The following SENP1 variants were observed in gnomAD, a reference collection of about 807,000 sequenced individuals.
The protein encoded by SENP1 is sentrin-specific protease 1.
SENP1 carries 21 observed loss-of-function variants against 93.0 expected under a neutral mutation model. The ratio of observed to expected loss-of-function variants is 0.23; its 90% CI spans 0.16 to 0.33. The LOEUF (loss-of-function observed/expected upper bound fraction) is 0.33, where lower values mean the gene tolerates loss of function less well. Among genes scored for constraint, SENP1 ranks in the 10% least tolerant of loss-of-function variants. The probability of loss-of-function intolerance (pLI) is 1.00; values close to 1 mark genes in which losing one functional copy is unlikely to be tolerated. For missense variants in SENP1, 591 were observed against 758.7 expected (o/e 0.78, Z 2.60); for synonymous variants, 256 against 259.6 (o/e 0.99, Z 0.13).
chr12:48,071,707 TCA>T lies in SENP1; in HGVS notation c.953_954del (p.Val318AspfsTer29). On this transcript the variant is annotated frameshift_variant, in exon 9 of 18. Coordinates refer to ENST00000549518, the MANE Select transcript of SENP1 (RefSeq NM_001267594.2). LOFTEE classifies it high-confidence loss of function. ...SNTQSEGSDSVILLKVKDSQT... is the reference protein window; with the variant it reads ...SNTQSEGSDSXILLKVKDSQT... Reference sequence around the variant, plus strand: ...TGGGAATCTTTCACTTTCAGTAAAATCACAGAGTCTGATCCTAAAGAAACACA... The same window carrying T: ...TGGGAATCTTTCACTTTCAGTAAAATCAGAGTCTGATCCTAAAGAAACACA... 1 of 1,608,254 alleles carries T rather than the reference TCA, an allele frequency of 6.2e-7. No homozygotes were observed. The highest frequency in any genetic ancestry group is 8.5e-7 in the Non-Finnish European group (1 of 1,175,330).
Position 48,065,324 on chromosome 12 carries a change from G to A in SENP1, c.1120-104C>T, listed in dbSNP as rs552005846. The stretch of plus-strand genomic sequence containing the variant: ...ATAAACCTGTCATAAGTCAAAGAGC[G>A]TGCTTAAATGCCCATTGCTTTCGCT... On this transcript the variant is annotated intron_variant, in intron 11 of 17. Transcript: ENST00000549518. The A allele has an allele frequency of 3.8e-3, 3,528 of 936,782 alleles. 16 individuals carry two copies. Among genetic ancestry groups the A allele is most frequent in the Non-Finnish European group, 4.7e-3 (3,003 of 639,968 alleles). The allele number at this position is 936,782 out of a possible 1,614,324, so 58.0% of individuals were successfully genotyped here. A position where few individuals can be genotyped will look rare whatever the true frequency, so the allele number is the denominator to read the frequency against.
intron 9 of SENP1, 45 bp downstream of exon 9, chr12:48,071,622 A>G: frequency 7.4e-7 from 1 of 1,345,750 alleles, no homozygotes; most frequent in South Asian, 1.2e-5. Context: ...TCTCAAAAAG[A>G]TATATTAATT....
chr12:48,076,491 ATTTT>A (rs879363366), intron 6 of SENP1, among the ~76,000 whole-genome samples: 1 of 144,356 alleles, frequency 6.9e-6, no homozygotes, highest in African/African-American at 2.5e-5. Context: ...CACAGAGCTA[ATTTT>A]TTTTTTTTTA....
At chr12:48,089,502 T>C (rs1354772803) in intron 4 of SENP1, among the ~76,000 whole-genome samples, 1 of 152,218 alleles carries the variant, frequency 6.6e-6, no homozygotes. Flanking sequence ...GAATGACCCA[T>C]CATATATATC....
At chr12:48,100,648 GAA>G (rs79598818) in intron 2 of SENP1, among the ~76,000 whole-genome samples, 1 of 128,254 alleles carries the variant, frequency 7.8e-6, no homozygotes, top group Admixed American at 7.7e-5. Flanking sequence ...AGAAAAAAGA[GAA>G]AAAAAAAAAA....
chr12:48,065,518 A>G, intron 11 of SENP1, 78 bp downstream of exon 11: 1 of 954,154 alleles, frequency 1.0e-6, no homozygotes, highest in Non-Finnish European at 1.6e-6. Flanking sequence ...CAATTACCCA[A>G]ATCTGGGTAA....
chr12:48,081,805 ATCC>A (rs1944510345), intron 6 of SENP1, among the ~76,000 whole-genome samples: 1 of 151,844 alleles, frequency 6.6e-6, no homozygotes, highest in South Asian at 2.1e-4. Flanking sequence ...GCCTCAAGCA[ATCC>A]TCCTGCTTTT....
chr12:48,076,112 G>A (rs918641789), intron 6 of SENP1, among the ~76,000 whole-genome samples: 2 of 152,142 alleles, frequency 1.3e-5, no homozygotes, highest in Non-Finnish European at 2.9e-5. Flanking sequence ...CTGACTCAAT[G>A]GGCTATGTTC....
chr12:48,089,943 T>C (rs1361882279), intron 4 of SENP1, among the ~76,000 whole-genome samples: 1 of 152,268 alleles, frequency 6.6e-6, no homozygotes, highest in Non-Finnish European at 1.5e-5. Flanking sequence ...TATCTTTTCA[T>C]GCTCTATCCA....
In SENP1 at chr12:48,071,601, G is replaced by GC. The variant is rs909970904; in HGVS notation, c.995+65dup. Reference sequence around the variant, plus strand: ...ACTACACTCCAGCCTGGGCAACAGAGCGAGACTCCGTCTCAAAAAGATATA... The same window carrying GC: ...ACTACACTCCAGCCTGGGCAACAGAGCCGAGACTCCGTCTCAAAAAGATATA... On this transcript the variant is annotated intron_variant, in intron 9 of 17. Transcript: ENST00000549518. 5 of 1,147,814 alleles carry GC rather than the reference G, an allele frequency of 4.4e-6. No individual in the cohort carries two copies. The African/African-American group carries it at 7.8e-5, about 18-fold the overall frequency. The allele number at this position is 1,147,814 out of a possible 1,614,324, so 71.1% of individuals were successfully genotyped here. A position where few individuals can be genotyped will look rare whatever the true frequency, so the allele number is the denominator to read the frequency against.
chr12:48,085,103 G>A (rs1944761198), intron 5 of SENP1: 1 of 1,382,738 alleles, frequency 7.2e-7, no homozygotes, highest in Non-Finnish European at 1.0e-6. Flanking sequence ...TCAGAGACAA[G>A]GACACGGTGA....
intron 5 of SENP1, chr12:48,085,010 G>A (rs1296193952): frequency 1.1e-6 from 1 of 878,678 alleles, no homozygotes; most frequent in Non-Finnish European, 1.7e-6. Flanking sequence ...TAAGAATGGG[G>A]AAATGAGAGT....
intron 13 of SENP1, among the ~76,000 whole-genome samples, chr12:48,056,139 T>A (rs368701270): frequency 5.4e-5 from 2 of 36,740 alleles, no homozygotes; most frequent in East Asian, 3.0e-3. Flanking sequence ...TATATTATTT[T>A]ATATATATTA....
chr12:48,088,424 T>C (rs1565796383), intron 5 of SENP1: 1 of 197,136 alleles, frequency 5.1e-6, no homozygotes, highest in Non-Finnish European at 1.0e-5. Context: ...GGTAGAGAAC[T>C]GCTTTAGTTT....
At chr12:48,066,177 C>T (rs969143514) in intron 10 of SENP1, among the ~76,000 whole-genome samples, 1 of 152,036 alleles carries the variant, frequency 6.6e-6, no homozygotes, top group Non-Finnish European at 1.5e-5. Context: ...GAAACGAATA[C>T]AAGATATCAC....
At chr12:48,078,620 A>G (rs866264252) in intron 6 of SENP1, among the ~76,000 whole-genome samples, 5 of 151,858 alleles carry the variant, frequency 3.3e-5, no homozygotes, top group African/African-American at 1.2e-4. Flanking sequence ...TCCCGGGTTC[A>G]AGCAATTCTC....
At chr12:48,047,552 T>C (rs1033188430) in intron 15 of SENP1, among the ~76,000 whole-genome samples, 3 of 152,214 alleles carry the variant, frequency 2.0e-5, no homozygotes, top group Non-Finnish European at 4.4e-5. Context: ...CTGTTCACCA[T>C]TGTGGAATGT....
chr12:48,067,052 A>C (rs1276504734), intron 9 of SENP1, 87 bp from the exon 10 acceptor site: 11 of 897,326 alleles, frequency 1.2e-5, no homozygotes, highest in Non-Finnish European at 1.8e-5. Flanking sequence ...ACAATCATTT[A>C]AATTGTTTAT....
intron 13 of SENP1, among the ~76,000 whole-genome samples, chr12:48,056,244 TAA>T (rs1592308301): frequency 8.5e-6 from 1 of 117,748 alleles, no homozygotes; most frequent in Non-Finnish European, 1.6e-5. Flanking sequence ...ATTTTACATA[TAA>T]TATATATTTT....
Sources: gnomAD v4.1 joint callset for allele counts (sites outside exome capture counted in the v4.1 genomes callset) on GRCh38, gnomAD v4.1.1 for gene constraint, MANE v1.5 for transcripts, NCBI Gene and HGNC (gene_info 2026-07-23, HGNC 2026-07-21) for gene names.